The following RSPH3 variants were observed in gnomAD, a reference collection of about 807,000 sequenced individuals.
RSPH3 encodes radial spoke head 3.
RSPH3 carries 21 observed loss-of-function variants against 43.8 expected under a neutral mutation model. The observed-to-expected ratio is 0.48, with a 90% CI of 0.34 to 0.69. The LOEUF is 0.69. RSPH3 is among the 30% of genes least tolerant of loss of function. The probability of loss-of-function intolerance (pLI) is 0.01; values close to 1 mark genes in which losing one functional copy is unlikely to be tolerated. For synonymous variants in RSPH3, 173 were observed against 179.8 expected (o/e 0.96, Z 0.30); for missense variants, 487 against 516.0 (o/e 0.94, Z 0.54).
intron 6 of RSPH3, among the ~76,000 whole-genome samples, chr6:158,980,026 G>T (rs1777980113): frequency 6.6e-6 from 1 of 152,220 alleles, no homozygotes; most frequent in Admixed American, 6.5e-5. Context: ...TGCCCTCAAA[G>T]GGTTTTTGAT....
rs1033638138 is a variant in RSPH3 at position 158,999,083 on chromosome 6, G to C, written c.116+352C>G. ...ATAAAATCAACTTCACAGCACTGTGGATTAACTAAGAAAACGTATTTGAAT... is the reference window on the plus strand; with the variant it reads ...ATAAAATCAACTTCACAGCACTGTGCATTAACTAAGAAAACGTATTTGAAT... On this transcript the variant is annotated intron_variant, in intron 1 of 7. Coordinates refer to ENST00000367069, the MANE Select transcript of RSPH3 (RefSeq NM_031924.8). 2.0e-5 allele frequency among the ~76,000 whole-genome samples: 3 copies of C among 152,222 alleles called. No individual in the cohort carries two copies. In the East Asian group the frequency reaches 5.8e-4, roughly 29 times the overall value.
chr6:158,972,649 A>G (rs993152780), downstream of RSPH3, among the ~76,000 whole-genome samples: 2 of 152,258 alleles, frequency 1.3e-5, no homozygotes, highest in African/African-American at 4.8e-5. Context: ...ATTTATAAAA[A>G]TCATAAATGA....
chr6:158,963,640 G>A, the RSPH3 span, among the ~76,000 whole-genome samples: 8 of 149,048 alleles, frequency 5.4e-5, no homozygotes, highest in Non-Finnish European at 8.9e-5. Context: ...GCAGGGCAAT[G>A]GTGCAATCAT....
At chr6:158,988,928 TTC>T (rs768299530) in intron 2 of RSPH3, among the ~76,000 whole-genome samples, 2 of 152,162 alleles carry the variant, frequency 1.3e-5, no homozygotes, top group Non-Finnish European at 2.9e-5. Context: ...TAGGTCATGG[TTC>T]TCTGTTTGCT....
the RSPH3 span, among the ~76,000 whole-genome samples, chr6:158,965,311 C>T: frequency 2.0e-5 from 3 of 151,978 alleles, no homozygotes; most frequent in African/African-American, 7.2e-5. Context: ...TTTCCATTTC[C>T]GTAAAAAAAG....
intron 2 of RSPH3, among the ~76,000 whole-genome samples, chr6:158,992,341 G>A (rs555805263): frequency 7.3e-4 from 111 of 152,032 alleles, no homozygotes; most frequent in Non-Finnish European, 2.1e-4. Context: ...GTGCAGTGGT[G>A]TGATCACAGC....
chr6:158,984,299 T>C (rs897318709), intron 3 of RSPH3, among the ~76,000 whole-genome samples: 7 of 151,092 alleles, frequency 4.6e-5, no homozygotes, highest in Non-Finnish European at 7.4e-5. Context: ...TGGAAGACCA[T>C]AGATAGAGTT....
rs185026588 is a variant in RSPH3, at chr6:158,989,149, C to T, written c.205-2728G>A. 7.9e-5 allele frequency among the ~76,000 whole-genome samples: 12 copies of T among 152,046 alleles called. No individual in the cohort carries two copies. The highest frequency in any genetic ancestry group is 2.1e-4 in the South Asian group (1 of 4,808). The stretch of plus-strand genomic sequence containing the variant: ...GCAACCTCTGCCTCCTGGGTTCAAG[C>T]GATTCTCCTGACTCAGCCTCTCAAG... On this transcript the variant is annotated intron_variant, in intron 2 of 7. Transcript: ENST00000367069. The surrounding 1 kb of genome is among the most constrained non-coding windows in gnomAD (Gnocchi z 4.3).
At chr6:158,965,650 C>T in the RSPH3 span, among the ~76,000 whole-genome samples, 4 of 152,066 alleles carry the variant, frequency 2.6e-5, no homozygotes, top group East Asian at 3.8e-4. Flanking sequence ...TGCAAACTTG[C>T]TGAACTCATG....
Position 158,978,142 on chromosome 6 carries a change from C to T in RSPH3, c.946+118G>A, listed in dbSNP as rs944155458. 5.8e-6 allele frequency: 4 copies of T among 692,034 alleles called. No homozygotes were observed. In the African/African-American group the frequency reaches 7.3e-5, roughly 13 times the overall value. 42.9% of individuals were successfully genotyped at this position (692,034 alleles called of 1,614,324 possible). A position where few individuals can be genotyped will look rare whatever the true frequency, so the allele number is the denominator to read the frequency against. On this transcript the variant is annotated intron_variant, in intron 7 of 7. Coordinates refer to ENST00000367069, the MANE Select transcript of RSPH3 (RefSeq NM_031924.8). ...GTAAAAATTTGCACTTTTATTAATA[C>T]AATTGATATACTAAAAGTTTAAATA...
chr6:158,981,054 A>G lies in RSPH3; in HGVS notation c.697-118T>C, dbSNP rs963473607. On this transcript the variant is annotated intron_variant, in intron 5 of 7. Coordinates refer to ENST00000367069, the MANE Select transcript of RSPH3 (RefSeq NM_031924.8). ...TCAAAAAATGGACAGCGAGGTGTCT[A>G]TCTATTAAAGGTTCATATTTTTCAT... The G allele has an allele frequency of 2.8e-5, 26 of 927,142 alleles. 1 individual carries two copies. Among genetic ancestry groups the G allele is most frequent in the Middle Eastern group, 3.5e-4 (1 of 2,840 alleles). The allele number at this position is 927,142 out of a possible 1,614,324, so 57.4% of individuals were successfully genotyped here. A position where few individuals can be genotyped will look rare whatever the true frequency, so the allele number is the denominator to read the frequency against.
At chr6:158,969,002 T>C (rs1486765217), downstream of RSPH3, among the ~76,000 whole-genome samples, 1 of 152,246 alleles carries the variant, frequency 6.6e-6, no homozygotes, top group East Asian at 1.9e-4. Flanking sequence ...TACAGTTTTA[T>C]AATGATTGCT....
Position 159,000,111 on chromosome 6 carries a change from G to T in RSPH3, c.-561C>A, listed in dbSNP as rs1778822070. 2.1e-6 allele frequency: 2 copies of T among 957,438 alleles called. No individual in the cohort carries two copies. The highest frequency in any genetic ancestry group is 3.4e-5 in the African/African-American group (2 of 59,362). The allele number at this position is 957,438 out of a possible 1,614,324, so 59.3% of individuals were successfully genotyped here. A position where few individuals can be genotyped will look rare whatever the true frequency, so the allele number is the denominator to read the frequency against. Reference sequence around the variant, plus strand: ...CAGGGTGTCCTCGGCTGTTTCTCCTGCCGCGGCGCAGCAGCGCTCCCAGGC... The same window carrying T: ...CAGGGTGTCCTCGGCTGTTTCTCCTTCCGCGGCGCAGCAGCGCTCCCAGGC... On this transcript the variant is annotated 5_prime_UTR_variant, in exon 1 of 8. Transcript: ENST00000367069.
Position 158,973,403 on chromosome 6 carries a change from T to A in RSPH3, c.*4135A>T, listed in dbSNP as rs1427589442. 6.6e-6 allele frequency: 1 copy of A among 152,180 alleles called. No homozygotes were observed. The highest frequency in any genetic ancestry group is 1.5e-5 in the Non-Finnish European group (1 of 68,026). 9.4% of individuals were successfully genotyped at this position (152,180 alleles called of 1,614,324 possible). A position where few individuals can be genotyped will look rare whatever the true frequency, so the allele number is the denominator to read the frequency against. ...TTGGATGGTTATGGTACCATAACAT[T>A]TTGATATAATATGCAAAATGCTGCT... On this transcript the variant is annotated 3_prime_UTR_variant, in exon 8 of 8. Transcript: ENST00000367069.
At chr6:158,966,805 A>G in the RSPH3 span, among the ~76,000 whole-genome samples, 2 of 150,202 alleles carry the variant, frequency 1.3e-5, no homozygotes, top group African/African-American at 2.4e-5. Context: ...TTGTTTTTCT[A>G]TTCTCTATTT....
the RSPH3 span, among the ~76,000 whole-genome samples, chr6:158,964,174 C>G: frequency 6.6e-6 from 1 of 152,274 alleles, no homozygotes; most frequent in South Asian, 2.1e-4. Flanking sequence ...TGAACAACTA[C>G]TCTTTATTAT....
intron 2 of RSPH3, among the ~76,000 whole-genome samples, chr6:158,993,351 C>G (rs185236699): frequency 1.3e-5 from 2 of 151,074 alleles, no homozygotes; most frequent in African/African-American, 4.9e-5. Context: ...CTCCTGACCT[C>G]GTGAGCTGCC....
intron 1 of RSPH3, among the ~76,000 whole-genome samples, chr6:158,998,671 C>G (rs975507295): frequency 1.4e-5 from 2 of 146,674 alleles, no homozygotes; most frequent in African/African-American, 4.9e-5. Context: ...GCCTGGCCAA[C>G]GTGGCAAAAC....
At chr6:158,987,546 T>C (rs1015874510) in intron 2 of RSPH3, among the ~76,000 whole-genome samples, 4 of 152,258 alleles carry the variant, frequency 2.6e-5, no homozygotes, top group Non-Finnish European at 5.9e-5. Context: ...TCCTTCTTTA[T>C]TGTCTTTCTT....
Sources: allele counts gnomAD v4.1 joint callset (sites outside exome capture counted in the v4.1 genomes callset), GRCh38; gene constraint gnomAD v4.1.1; non-coding constraint Gnocchi (gnomAD v3.1); transcripts MANE v1.5; gene names NCBI Gene and HGNC (gene_info 2026-07-23, HGNC 2026-07-21).